Variants in ADAMTSL3 observed in about 807,000 individuals in gnomAD.
ADAMTSL3 encodes ADAMTS-like protein 3.
Under a neutral mutation model 201.7 loss-of-function variants are expected in ADAMTSL3, and 128 were observed. The observed-to-expected ratio is 0.63, with a 90% CI of 0.55 to 0.73. The LOEUF is 0.73. Ranked by LOEUF, ADAMTSL3 falls within the 30% of genes least tolerant of loss-of-function variation. The probability of loss-of-function intolerance (pLI) is 0.00; values close to 1 mark genes in which losing one functional copy is unlikely to be tolerated. For missense variants in ADAMTSL3, 1,990 were observed against 2,119.6 expected, an observed-to-expected ratio of 0.94 and a Z score of 1.20; for synonymous variants, 738 against 748.4, an observed-to-expected ratio of 0.99 and a Z score of 0.23.
At chr15:83,728,025 GTTTT>G (rs2062206350) in intron 3 of ADAMTSL3, among the ~76,000 whole-genome samples, 1 of 151,728 alleles carries the variant, frequency 6.6e-6, no homozygotes, top group Non-Finnish European at 1.5e-5. Context: ...AATACTATTT[GTTTT>G]ATTTATCTGT....
At chr15:83,953,718 G>A (rs1167085673) in intron 19 of ADAMTSL3, among the ~76,000 whole-genome samples, 2 of 152,076 alleles carry the variant, frequency 1.3e-5, no homozygotes, top group Non-Finnish European at 2.9e-5. Flanking sequence ...TATAGGACAG[G>A]TCTGGTGTTA....
intron 23 of ADAMTSL3, among the ~76,000 whole-genome samples, chr15:83,998,425 G>A (rs2067728632): frequency 6.6e-6 from 1 of 152,212 alleles, no homozygotes; most frequent in Admixed American, 6.5e-5. Context: ...CTCCAGCCTG[G>A]GCGACAGAGC....
intron 19 of ADAMTSL3, among the ~76,000 whole-genome samples, chr15:83,945,263 G>A (rs908865646): frequency 6.6e-6 from 1 of 152,122 alleles, no homozygotes; most frequent in African/African-American, 2.4e-5. Context: ...CATACTATAG[G>A]TCAATGACTT....
At chr15:83,852,985 T>G (rs2064652138) in intron 7 of ADAMTSL3, among the ~76,000 whole-genome samples, 1 of 152,036 alleles carries the variant, frequency 6.6e-6, no homozygotes. Context: ...GCCTCCTGAG[T>G]AGCTGGGATT....
intron 23 of ADAMTSL3, among the ~76,000 whole-genome samples, chr15:84,003,365 A>G (rs2067834068): frequency 6.6e-6 from 1 of 152,204 alleles, no homozygotes; most frequent in African/African-American, 2.4e-5. Context: ...GAGATGGTGC[A>G]CTAAACACCT....
At chr15:83,908,007 ATGTT>A (rs1351655122) in intron 15 of ADAMTSL3, among the ~76,000 whole-genome samples, 1 of 152,154 alleles carries the variant, frequency 6.6e-6, no homozygotes, top group African/African-American at 2.4e-5. Flanking sequence ...GTCCCAAGAT[ATGTT>A]TTTCTTTCAC....
intron 5 of ADAMTSL3, among the ~76,000 whole-genome samples, chr15:83,810,336 A>G (rs894953163): frequency 2.6e-5 from 4 of 152,186 alleles, no homozygotes; most frequent in African/African-American, 9.7e-5. Context: ...GGCATGTAGG[A>G]GGGAGAGAGA....
intron 15 of ADAMTSL3, among the ~76,000 whole-genome samples, chr15:83,903,126 A>G (rs1001787672): frequency 6.6e-6 from 1 of 152,126 alleles, no homozygotes; most frequent in Non-Finnish European, 1.5e-5. Context: ...CAATACTTCT[A>G]TCAGAATCAC....
intron 4 of ADAMTSL3, among the ~76,000 whole-genome samples, chr15:83,796,401 A>C (rs1480405913): frequency 6.6e-6 from 1 of 152,250 alleles, no homozygotes; most frequent in Non-Finnish European, 1.5e-5. Flanking sequence ...AATAGAAAGC[A>C]AAATTTCAAA....
chr15:84,003,091 A>G (rs893527272), intron 23 of ADAMTSL3, among the ~76,000 whole-genome samples: 6 of 151,354 alleles, frequency 4.0e-5, no homozygotes, highest in African/African-American at 1.5e-4. Flanking sequence ...TTGAGACTAC[A>G]GCCATGCACC....
At chr15:83,816,485 G>C (rs979435793) in intron 5 of ADAMTSL3, among the ~76,000 whole-genome samples, 1 of 152,192 alleles carries the variant, frequency 6.6e-6, no homozygotes, top group Non-Finnish European at 1.5e-5. Context: ...TAAGGGAGTC[G>C]AGAGTTAGCT....
intron 6 of ADAMTSL3, among the ~76,000 whole-genome samples, chr15:83,835,014 C>T (rs1370457981): frequency 6.6e-6 from 1 of 152,042 alleles, no homozygotes; most frequent in Non-Finnish European, 1.5e-5. Context: ...GCGGGCAGAT[C>T]ACGAGATCAG....
intron 3 of ADAMTSL3, among the ~76,000 whole-genome samples, chr15:83,727,765 GA>G (rs2062202917): frequency 6.6e-6 from 1 of 151,780 alleles, no homozygotes; most frequent in Non-Finnish European, 1.5e-5. Flanking sequence ...TTTTTTTAAA[GA>G]CCTGTTTTTG....
At chr15:83,877,912 A>G (rs2065206492) in intron 9 of ADAMTSL3, among the ~76,000 whole-genome samples, 1 of 152,026 alleles carries the variant, frequency 6.6e-6, no homozygotes. Flanking sequence ...TTGTGTATTG[A>G]CATTATATTC....
At chr15:83,863,463 A>G (rs2064909690) in intron 8 of ADAMTSL3, among the ~76,000 whole-genome samples, 2 of 152,178 alleles carry the variant, frequency 1.3e-5, no homozygotes, top group Admixed American at 1.3e-4. Context: ...TAAGAAACTC[A>G]CTCAAAACTG....
At chr15:83,839,132 C>G (rs923770834) in intron 7 of ADAMTSL3, among the ~76,000 whole-genome samples, 5 of 152,112 alleles carry the variant, frequency 3.3e-5, no homozygotes, top group African/African-American at 1.2e-4. Flanking sequence ...CTGAATACCC[C>G]CTTGTTGGTG....
At chr15:83,748,675 CCA>C (rs1307270685) in intron 3 of ADAMTSL3, among the ~76,000 whole-genome samples, 1 of 131,874 alleles carries the variant, frequency 7.6e-6, no homozygotes, top group Non-Finnish European at 1.6e-5. Flanking sequence ...AAAAAAAATA[CCA>C]CACACACAAA....
chr15:84,039,535 T>A lies in ADAMTSL3; in HGVS notation c.*1729T>A, dbSNP rs1355868399. 1 of 152,648 alleles carries A rather than the reference T, an allele frequency of 6.6e-6. No homozygotes were observed. The highest frequency in any genetic ancestry group is 1.9e-4 in the East Asian group (1 of 5,202). 9.5% of individuals were successfully genotyped at this position (152,648 alleles called of 1,614,324 possible). A position where few individuals can be genotyped will look rare whatever the true frequency, so the allele number is the denominator to read the frequency against. ...ATTAAAAGAAAGATCATTTGTAACA[T>A]ACTCTTTGTATATATTTATTATATG... is the stretch of plus-strand genomic sequence containing the variant. On this transcript the variant is annotated 3_prime_UTR_variant, in exon 30 of 30. Transcript: ENST00000286744.
intron 4 of ADAMTSL3, among the ~76,000 whole-genome samples, chr15:83,785,270 A>G (rs2063243073): frequency 6.6e-6 from 1 of 152,196 alleles, no homozygotes; most frequent in South Asian, 2.1e-4. Context: ...GCAAAATTTT[A>G]TAGACTTTTT....
Sources: allele counts gnomAD v4.1 joint callset (sites outside exome capture counted in the v4.1 genomes callset), GRCh38; gene constraint gnomAD v4.1.1; transcripts MANE v1.5; gene names NCBI Gene and HGNC (gene_info 2026-07-23, HGNC 2026-07-21).